NEURL1B: variants seen among roughly 807,000 people sequenced by gnomAD.
The protein encoded by NEURL1B is E3 ubiquitin-protein ligase NEURL1B.
NEURL1B carries 13 observed loss-of-function variants against 37.4 expected under a neutral mutation model. The observed-to-expected ratio is 0.35, with a 90% CI of 0.23 to 0.55. The LOEUF (loss-of-function observed/expected upper bound fraction) is 0.55. Among genes scored for constraint, NEURL1B ranks in the 20% least tolerant of loss-of-function variants. The pLI is 0.89. For missense variants in NEURL1B, 790 were observed against 879.2 expected, an observed-to-expected ratio of 0.90 and a Z score of 1.28; for synonymous variants, 432 against 426.6, an observed-to-expected ratio of 1.01 and a Z score of -0.16.
chr5:172,681,088 G>A (rs1758343224), intron 2 of NEURL1B, among the ~76,000 whole-genome samples: 1 of 152,090 alleles, frequency 6.6e-6, no homozygotes, highest in Non-Finnish European at 1.5e-5. Flanking sequence ...TGAAGTGGGG[G>A]AGGTGCTACA....
At chr5:172,651,376 C>T (rs966888828) in intron 1 of NEURL1B, among the ~76,000 whole-genome samples, 5 of 152,246 alleles carry the variant, frequency 3.3e-5, no homozygotes, top group African/African-American at 7.2e-5. Flanking sequence ...ATCATGGCTG[C>T]GAGGGAAATA....
intron 1 of NEURL1B, chr5:172,656,778 G>T: frequency 1.4e-6 from 1 of 704,298 alleles, no homozygotes; most frequent in South Asian, 1.6e-5. Context: ...TGAACACACT[G>T]ACATATTAAT....
rs910603570 is a variant in NEURL1B, at chr5:172,689,721, G to A, written c.*2796G>A. Reference sequence around the variant, plus strand: ...CCCACTGCCTGGCTCCAAGTCCCAGGAAGCTCGAGACTGTGAGTTTTCTCC... The same window carrying A: ...CCCACTGCCTGGCTCCAAGTCCCAGAAAGCTCGAGACTGTGAGTTTTCTCC... On this transcript the variant is annotated 3_prime_UTR_variant, in exon 5 of 5. Transcript: ENST00000369800. The A allele has an allele frequency of 2.0e-5, 3 of 152,230 alleles. No homozygotes were observed. In the South Asian group the frequency reaches 6.2e-4, roughly 32 times the overall value. 9.4% of individuals were successfully genotyped at this position (152,230 alleles called of 1,614,324 possible).
Position 172,676,561 on chromosome 5 carries a change from G to A in NEURL1B, c.577+6231G>A, listed in dbSNP as rs1210629688. Among the ~76,000 whole-genome samples the A allele has an allele frequency of 4.6e-5, 7 of 152,248 alleles. No individual in the cohort carries two copies. The highest frequency in any genetic ancestry group is 7.2e-5 in the African/African-American group (3 of 41,468). The stretch of plus-strand genomic sequence containing the variant: ...CCTCCTGACTCCTGAGGCAATGGGA[G>A]GTGGGGGTGGGGCAGTTCCCTCCAA... On this transcript the variant is annotated intron_variant, in intron 2 of 4. Transcript: ENST00000369800. The surrounding 1 kb of genome is among the most constrained non-coding windows in gnomAD (Gnocchi z 4.5).
intron 1 of NEURL1B, among the ~76,000 whole-genome samples, chr5:172,659,890 C>T (rs1317968698): frequency 6.6e-6 from 1 of 152,216 alleles, no homozygotes; most frequent in Non-Finnish European, 1.5e-5. Context: ...CCTCAGTCTG[C>T]AAAGCAGCTC....
Position 172,657,718 on chromosome 5 carries a change from G to A in NEURL1B, c.32-12067G>A, listed in dbSNP as rs906750522. ...CGAAAGGGAGTCTCCTTTCCTTGGA[G>A]GAGTCAGGGCACACTCTGCTCCACC... On this transcript the variant is annotated intron_variant, in intron 1 of 4. Coordinates refer to ENST00000369800, the MANE Select transcript of NEURL1B (RefSeq NM_001142651.3). The surrounding 1 kb of genome is among the most constrained non-coding windows in gnomAD (Gnocchi z 4.0). 1.3e-5 allele frequency among the ~76,000 whole-genome samples: 2 copies of A among 152,098 alleles called. No homozygotes were observed. Among genetic ancestry groups the A allele is most frequent in the African/African-American group, 4.8e-5 (2 of 41,422 alleles).
chr5:172,663,215 G>C (rs1001007334), intron 1 of NEURL1B, among the ~76,000 whole-genome samples: 1 of 151,616 alleles, frequency 6.6e-6, no homozygotes, highest in Non-Finnish European at 1.5e-5. Context: ...TCTGCCTCAA[G>C]AAAAAACTTA....
At chr5:172,672,331 T>A (rs1349373381) in intron 2 of NEURL1B, among the ~76,000 whole-genome samples, 1 of 152,152 alleles carries the variant, frequency 6.6e-6, no homozygotes, top group African/African-American at 2.4e-5. Context: ...AGATTTCCCA[T>A]CATCTTTTTT....
At chr5:172,655,507 G>C (rs1216958804) in intron 1 of NEURL1B, among the ~76,000 whole-genome samples, 3 of 152,086 alleles carry the variant, frequency 2.0e-5, no homozygotes, top group African/African-American at 7.2e-5. Flanking sequence ...ACAGAACCAC[G>C]GAGAGGACCC....
In NEURL1B at chr5:172,665,740, T is replaced by C. The variant is rs559299412; in HGVS notation, c.32-4045T>C. Among the ~76,000 whole-genome samples, 31 of 144,792 alleles carry C rather than the reference T, an allele frequency of 2.1e-4. No homozygotes were observed. In the South Asian group the frequency reaches 6.7e-3, roughly 31 times the overall value. 95.0% of individuals were successfully genotyped at this position (144,792 alleles called of 152,430 possible). A position where few individuals can be genotyped will look rare whatever the true frequency, so the allele number is the denominator to read the frequency against. On this transcript the variant is annotated intron_variant, in intron 1 of 4. Coordinates refer to ENST00000369800, the MANE Select transcript of NEURL1B (RefSeq NM_001142651.3). This position sits in a 1 kb window ranked among gnomAD's most constrained non-coding sequence, Gnocchi z 4.1. The stretch of plus-strand genomic sequence containing the variant: ...TGCCTCTGCCCCTACCGTTCCCCTC[T>C]GCTCCCTCTCCTCCCTCGAGACCTG...
intron 2 of NEURL1B, among the ~76,000 whole-genome samples, chr5:172,674,352 G>C (rs2113313739): frequency 6.6e-6 from 1 of 152,072 alleles, no homozygotes; most frequent in East Asian, 1.9e-4. Context: ...GTATCCTCCT[G>C]CACAGAGTCC....
intron 1 of NEURL1B, among the ~76,000 whole-genome samples, chr5:172,646,444 A>G (rs1015386348): frequency 9.9e-5 from 15 of 151,902 alleles, no homozygotes; most frequent in Non-Finnish European, 1.6e-4. Flanking sequence ...TGCCTTGAAA[A>G]CCCTGCCCCA....
At chr5:172,667,275 T>TGAA in intron 1 of NEURL1B, among the ~76,000 whole-genome samples, 1 of 72,302 alleles carries the variant, frequency 1.4e-5, no homozygotes, top group Non-Finnish European at 2.4e-5. Context: ...CTGTCTCTAC[T>TGAA]AAAAAAAAAA....
chr5:172,677,769 C>T (rs980138843), intron 2 of NEURL1B, among the ~76,000 whole-genome samples: 1 of 152,148 alleles, frequency 6.6e-6, no homozygotes, highest in Admixed American at 6.5e-5. Flanking sequence ...TCCGCCTCCA[C>T]GGAATCACCC....
Position 172,687,928 on chromosome 5 carries a change from G to C in NEURL1B, c.*1003G>C, listed in dbSNP as rs1561655845. On this transcript the variant is annotated 3_prime_UTR_variant, in exon 5 of 5. Coordinates refer to ENST00000369800, the MANE Select transcript of NEURL1B (RefSeq NM_001142651.3). ...GGGACCTGCTGGCAGGAGGAGGAAC[G>C]AGGGCTTTATAACTTTGGTTATAAC... The C allele has an allele frequency of 6.6e-6, 1 of 152,396 alleles. No individual in the cohort carries two copies. The highest frequency in any genetic ancestry group is 1.5e-5 in the Non-Finnish European group (1 of 68,072). 9.4% of individuals were successfully genotyped at this position (152,396 alleles called of 1,614,324 possible).
At chr5:172,651,543 G>C (rs1437635469) in intron 1 of NEURL1B, among the ~76,000 whole-genome samples, 1 of 152,206 alleles carries the variant, frequency 6.6e-6, no homozygotes, top group Non-Finnish European at 1.5e-5. Context: ...TGTTGTTTGG[G>C]ATGAAGGTGC....
intron 3 of NEURL1B, among the ~76,000 whole-genome samples, chr5:172,685,625 T>TAGCTGGATCTAGGTACTGGAAGGATATC (rs1758476835): frequency 1.3e-5 from 2 of 152,218 alleles, no homozygotes; most frequent in African/African-American, 4.8e-5. Flanking sequence ...AGTTCAGGAA[T>TAGCTGGATCTAGGTACTGGAAGGATATC]AGCTGGATCT....
At chr5:172,670,779 A>G (rs1357583162) in intron 2 of NEURL1B, among the ~76,000 whole-genome samples, 1 of 152,092 alleles carries the variant, frequency 6.6e-6, no homozygotes, top group African/African-American at 2.4e-5. Flanking sequence ...ACACGCTTCC[A>G]TTTGCTCATT....
chr5:172,682,293 G>A (rs1245156226), intron 2 of NEURL1B, among the ~76,000 whole-genome samples: 2 of 151,990 alleles, frequency 1.3e-5, no homozygotes, highest in African/African-American at 4.8e-5. Context: ...CTTTCCCTTC[G>A]GCCGGGCGTG....
Sources: gnomAD v4.1 joint callset for allele counts (sites outside exome capture counted in the v4.1 genomes callset) on GRCh38, gnomAD v4.1.1 for gene constraint, Gnocchi (gnomAD v3.1) non-coding constraint, MANE v1.5 for transcripts, NCBI Gene and HGNC (gene_info 2026-07-23, HGNC 2026-07-21) for gene names.